The following ZNF536 variants were observed in gnomAD, a reference collection of about 807,000 sequenced individuals.
ZNF536 encodes the protein zinc finger protein 536.
Under a neutral mutation model 84.5 loss-of-function variants are expected in ZNF536, and 13 were observed. The observed-to-expected ratio is 0.15, with a 90% CI of 0.10 to 0.24. The LOEUF (loss-of-function observed/expected upper bound fraction) is 0.24, where lower values mean the gene tolerates loss of function less well. Ranked by LOEUF, ZNF536 falls within the 10% of genes least tolerant of loss-of-function variation. The pLI is 1.00. For missense variants in ZNF536, 1,536 were observed against 1,747.5 expected (o/e 0.88, Z 2.16); for synonymous variants, 811 against 742.5 (o/e 1.09, Z -1.50).
At chr19:30,478,550 G>T (rs1203332252) in intron 2 of ZNF536, among the ~76,000 whole-genome samples, 2 of 152,212 alleles carry the variant, frequency 1.3e-5, no homozygotes, top group Non-Finnish European at 2.9e-5. Context: ...CCCCAGCCAA[G>T]TCTGATCCCT....
At chr19:30,508,988 C>G (rs1284182470) in intron 2 of ZNF536, among the ~76,000 whole-genome samples, 1 of 151,128 alleles carries the variant, frequency 6.6e-6, no homozygotes, top group African/African-American at 2.4e-5. Context: ...CCAGGCAACA[C>G]AGGTGACTAA....
chr19:30,549,086 A>T lies in ZNF536; in HGVS notation c.3467A>T (p.Asn1156Ile), dbSNP rs2146236723. The change falls in exon 4 of 5, where the codon AAC becomes ATC. Residue 1156 changes from asparagine (N) to isoleucine (I), a missense_variant. This residue lies in a region of ZNF536 where 624 missense variants were observed against 603.1 expected (regional missense o/e 1.03). Coordinates refer to ENST00000355537, the MANE Select transcript of ZNF536 (RefSeq NM_014717.3). ...PILIPETTSK[N>I]TTDDLSDIAS... ...CTGATCCCCGAAACCACGAGTAAGA[A>T]CACTACTGATGACCTCTCTGACATT... is the stretch of plus-strand genomic sequence containing the variant. The T allele has an allele frequency of 6.2e-7, 1 of 1,614,188 alleles. No homozygotes were observed. Among genetic ancestry groups the T allele is most frequent in the Non-Finnish European group, 8.5e-7 (1 of 1,180,042 alleles).
intron 1 of ZNF536, among the ~76,000 whole-genome samples, chr19:30,709,905 C>T (rs2144774273): frequency 6.6e-6 from 1 of 152,294 alleles, no homozygotes; most frequent in South Asian, 2.1e-4. Flanking sequence ...GCGTGAGCCA[C>T]TGTGTCCAGC....
At chr19:30,621,846 C>T (rs970379707) in intron 1 of ZNF536, among the ~76,000 whole-genome samples, 2 of 152,234 alleles carry the variant, frequency 1.3e-5, no homozygotes, top group African/African-American at 4.8e-5. Context: ...GCTTCTAGGT[C>T]TTTCTCTCTC....
chr19:30,588,104 GCAGCTGTGCTTTGAATCA>G (rs2047158022), intron 1 of ZNF536, among the ~76,000 whole-genome samples: 1 of 152,218 alleles, frequency 6.6e-6, no homozygotes, highest in South Asian at 2.1e-4. Flanking sequence ...CCCTCAGGCG[GCAGCTGTGCTTTGAATCA>G]CAGATGCACC....
rs193110182 is a variant in ZNF536 at position 30,545,802 on chromosome 19, T to G, written c.2324-2141T>G. On this transcript the variant is annotated intron_variant, in intron 3 of 4. Transcript: ENST00000355537. ...AGGCAGCCCTCCACATTCCCAGGCT[T>G]GAGAGGAAAGTCCACCTTCCCCCTC... 2.6e-5 allele frequency among the ~76,000 whole-genome samples: 4 copies of G among 152,238 alleles called. No individual in the cohort carries two copies. In the East Asian group the frequency reaches 7.7e-4, roughly 29 times the overall value.
exon 2 of ZNF536, chr19:30,711,149 C>CTA (rs921920318): frequency 3.4e-5 from 5 of 148,368 alleles, no homozygotes; most frequent in Non-Finnish European, 4.5e-5. Flanking sequence ...TAAAAGATAT[C>CTA]TATATATATA....
intron 2 of ZNF536, among the ~76,000 whole-genome samples, chr19:30,306,655 G>A (rs970084729): frequency 6.6e-6 from 1 of 152,148 alleles, no homozygotes; most frequent in Admixed American, 6.5e-5. Context: ...AAAATGTTCT[G>A]GAAAATATAG....
intron 1 of ZNF536, among the ~76,000 whole-genome samples, chr19:30,253,506 C>T (rs2024731071): frequency 6.6e-6 from 1 of 152,208 alleles, no homozygotes; most frequent in African/African-American, 2.4e-5. Flanking sequence ...CCCTGTGCTG[C>T]CCAACAACGC....
chr19:30,599,994 A>G (rs1273183552), intron 1 of ZNF536, among the ~76,000 whole-genome samples: 1 of 47,616 alleles, frequency 2.1e-5, no homozygotes, highest in Non-Finnish European at 8.1e-5. Context: ...CACTGGGGGA[A>G]AAAGTGGTGA....
chr19:30,582,511 C>T (rs1419521881), intron 1 of ZNF536, among the ~76,000 whole-genome samples: 2 of 151,848 alleles, frequency 1.3e-5, no homozygotes, highest in African/African-American at 4.8e-5. Context: ...CTGCCTCAGC[C>T]TCCTGAGTAC....
chr19:30,480,331 G>T (rs4804931), intron 2 of ZNF536, among the ~76,000 whole-genome samples: 16,190 of 152,084 alleles, frequency 0.11, 1,512 homozygotes, highest in East Asian at 0.36. Context: ...CTTCCCCAAC[G>T]TGATGTCATT....
At chr19:30,621,301 A>C (rs1255089213) in intron 1 of ZNF536, among the ~76,000 whole-genome samples, 1 of 152,124 alleles carries the variant, frequency 6.6e-6, no homozygotes, top group East Asian at 1.9e-4. Flanking sequence ...AGATCATTAC[A>C]GATGCTTCGA....
chr19:30,580,472 G>A lies in ZNF536; in HGVS notation c.169+30958G>A, dbSNP rs1294351223. On this transcript the variant is annotated intron_variant, in intron 1 of 1. Transcript: ENST00000592773. ...GTGCCCGAGAAGCCAAGATTAGTGA[G>A]GCACACCTCCACATGCAAAAGCAGG... Among the ~76,000 whole-genome samples, 4 of 152,300 alleles carry A rather than the reference G, an allele frequency of 2.6e-5. No homozygotes were observed. In the East Asian group the frequency reaches 7.7e-4, roughly 29 times the overall value.
Position 30,478,795 on chromosome 19 carries a change from G to C in ZNF536, c.2170+33063G>C, listed in dbSNP as rs554074130. Among the ~76,000 whole-genome samples the C allele has an allele frequency of 4.6e-5, 7 of 152,250 alleles. No individual in the cohort carries two copies. In the East Asian group the frequency reaches 1.4e-3, roughly 29 times the overall value. On this transcript the variant is annotated intron_variant, in intron 2 of 4. Transcript: ENST00000355537. ...AAAATGTGGTATAGCTTCGAGTCTTGAGCCTTGTCTGCTTTTCTTATTCTG... is the reference window on the plus strand; with the variant it reads ...AAAATGTGGTATAGCTTCGAGTCTTCAGCCTTGTCTGCTTTTCTTATTCTG...
intron 1 of ZNF536, among the ~76,000 whole-genome samples, chr19:30,573,446 G>A (rs1454157398): frequency 6.6e-6 from 1 of 152,138 alleles, no homozygotes; most frequent in African/African-American, 2.4e-5. Flanking sequence ...TGTACGGTAG[G>A]ACTACTGGGC....
At chr19:30,404,019 C>CTTTTTTTTTTTTT (rs11336660) in intron 1 of ZNF536, among the ~76,000 whole-genome samples, 1 of 123,372 alleles carries the variant, frequency 8.1e-6, no homozygotes, top group Admixed American at 8.4e-5. Context: ...TTCCTTTCCT[C>CTTTTTTTTTTTTT]TTTTTTTTTT....
chr19:30,704,490 T>C (rs1042615633), intron 1 of ZNF536, among the ~76,000 whole-genome samples: 1 of 151,362 alleles, frequency 6.6e-6, no homozygotes, highest in African/African-American at 2.4e-5. Flanking sequence ...CTATTAAAAA[T>C]ACAAAAATTA....
At chr19:30,231,915 A>G (rs2023082251) in intron 1 of ZNF536, among the ~76,000 whole-genome samples, 1 of 152,148 alleles carries the variant, frequency 6.6e-6, no homozygotes, top group Non-Finnish European at 1.5e-5. Flanking sequence ...ACTATCCAGG[A>G]TAGACTGGTG....
Sources: allele counts gnomAD v4.1 joint callset (sites outside exome capture counted in the v4.1 genomes callset), GRCh38; gene constraint gnomAD v4.1.1; regional missense constraint gnomAD v4.1.1; transcripts MANE v1.5; gene names NCBI Gene and HGNC (gene_info 2026-07-23, HGNC 2026-07-21).